UBR1: variants seen among roughly 807,000 people sequenced by gnomAD.
UBR1 encodes E3 ubiquitin-protein ligase UBR1.
UBR1 carries 102 observed loss-of-function variants against 242.1 expected under a neutral mutation model. The ratio of observed to expected loss-of-function variants is 0.42; its 90% CI spans 0.36 to 0.50. The LOEUF (loss-of-function observed/expected upper bound fraction) is 0.50, where lower values mean the gene tolerates loss of function less well. Among genes scored for constraint, UBR1 ranks in the 20% least tolerant of loss-of-function variants. The pLI, the probability that UBR1 is intolerant of heterozygous loss-of-function variation, is 0.01. For synonymous variants in UBR1, 675 were observed against 684.8 expected (o/e 0.99, Z 0.22); for missense variants, 1,772 against 2,101.8 (o/e 0.84, Z 3.07).
intron 3 of UBR1, among the ~76,000 whole-genome samples, chr15:43,075,679 G>C (rs1241761611): frequency 6.6e-6 from 1 of 151,012 alleles, no homozygotes; most frequent in South Asian, 2.1e-4. Context: ...GCAATGGCGT[G>C]ATCTTGGCTC....
intron 4 of UBR1, among the ~76,000 whole-genome samples, chr15:43,072,675 CT>C (rs1300576198): frequency 6.6e-6 from 1 of 152,178 alleles, no homozygotes; most frequent in African/African-American, 2.4e-5. Flanking sequence ...CATAGATGTC[CT>C]TTATCAGGTT....
chr15:43,060,021 T>A, intron 7 of UBR1, 31 bp downstream of exon 7: 1 of 1,610,640 alleles, frequency 6.2e-7, no homozygotes, highest in Non-Finnish European at 8.5e-7. Flanking sequence ...CATCTTTAAC[T>A]TCTCTTTTTC....
chr15:43,041,351 C>A (rs1012203081), intron 15 of UBR1, among the ~76,000 whole-genome samples: 14 of 152,064 alleles, frequency 9.2e-5, no homozygotes, highest in Non-Finnish European at 2.1e-4. Context: ...GGACAAAAAA[C>A]CAAACACTGC....
chr15:43,029,945 T>G lies in UBR1; in HGVS notation c.2378A>C (p.Asn793Thr), dbSNP rs1259541929. ...AGATAAAACCAAAATCAGACTTACA[T>G]TCTCAGGTAAATTTTTGGCAATGGC... ...HSAIAKNLPE[N>T]ENNETGLENV... is the part of the protein sequence containing the mutation. Residue 793 changes from asparagine to threonine, a missense_variant and splice_region_variant, in exon 21 of 47, where the codon AAT becomes ACT. Asn to Thr is a moderately conservative substitution (Grantham distance 65, BLOSUM62 0). Transcript: ENST00000290650. The G allele has an allele frequency of 6.2e-7, 1 of 1,614,060 alleles. No homozygotes were observed. Among genetic ancestry groups the G allele is most frequent in the African/African-American group, 1.3e-5 (1 of 75,050 alleles).
chr15:43,003,686 T>C, intron 31 of UBR1, 151 bp downstream of exon 31: 1 of 789,516 alleles, frequency 1.3e-6, no homozygotes, highest in Non-Finnish European at 2.1e-6. Flanking sequence ...ATAATAATAA[T>C]TCATGCAAAC....
chr15:43,007,338 A>G, intron 29 of UBR1, 54 bp from the exon 30 acceptor site: 3 of 1,542,808 alleles, frequency 1.9e-6, no homozygotes, highest in Non-Finnish European at 2.7e-6. Context: ...ACTTGTCTTC[A>G]TATTTTGGTA....
chr15:43,078,699 G>C (rs940089123), intron 3 of UBR1, among the ~76,000 whole-genome samples: 96 of 152,250 alleles, frequency 6.3e-4, no homozygotes, highest in African/African-American at 2.2e-3. Context: ...CAGGCACAGT[G>C]GCTCATGCCT....
chr15:43,094,279 A>C (rs1224480613), intron 1 of UBR1, among the ~76,000 whole-genome samples: 1 of 152,050 alleles, frequency 6.6e-6, no homozygotes, highest in Admixed American at 6.6e-5. Context: ...AAAATACAAA[A>C]AAATTAGCTG....
chr15:42,989,269 T>C (rs2032520419), intron 34 of UBR1, among the ~76,000 whole-genome samples: 1 of 152,160 alleles, frequency 6.6e-6, no homozygotes, highest in African/African-American at 2.4e-5. Context: ...AGGTTCTAAT[T>C]AAAAACCAGA....
At chr15:43,056,608 GAGAATAACAAAC>G (rs1191991381) in intron 10 of UBR1, among the ~76,000 whole-genome samples, 166 bp from the exon 11 acceptor site, 1 of 152,030 alleles carries the variant, frequency 6.6e-6, no homozygotes, top group Non-Finnish European at 1.5e-5. Context: ...ATCTTAGAAG[GAGAATAACAAAC>G]AACAAATCAA....
intron 35 of UBR1, among the ~76,000 whole-genome samples, chr15:42,986,774 C>T (rs1313845184): frequency 6.6e-6 from 1 of 152,230 alleles, no homozygotes; most frequent in East Asian, 1.9e-4. Context: ...CCCACCCCCA[C>T]AGCTCCCTCC....
intron 28 of UBR1, 69 bp downstream of exon 28, chr15:43,017,026 C>G (rs1349847094): frequency 7.8e-7 from 1 of 1,280,978 alleles, no homozygotes; most frequent in East Asian, 2.3e-5. Flanking sequence ...CAGTAGCTCC[C>G]TTATACCAGT....
chr15:43,054,017 CAA>C (rs2033587035), intron 12 of UBR1, among the ~76,000 whole-genome samples: 1 of 152,038 alleles, frequency 6.6e-6, no homozygotes, highest in African/African-American at 2.4e-5. Context: ...GTGGAACCCA[CAA>C]ATACGGAGGA....
chr15:43,011,008 CTATG>C (rs1567124615), intron 29 of UBR1, among the ~76,000 whole-genome samples: 1 of 151,098 alleles, frequency 6.6e-6, no homozygotes, highest in Non-Finnish European at 1.5e-5. Flanking sequence ...GTGTGTAACA[CTATG>C]TAATTAAAAT....
chr15:43,017,548 G>A (rs1395962809), intron 27 of UBR1, among the ~76,000 whole-genome samples: 1 of 152,098 alleles, frequency 6.6e-6, no homozygotes, highest in African/African-American at 2.4e-5. Flanking sequence ...GGAGGCGGAG[G>A]CGGGTAATCT....
chr15:42,960,512 A>G, intron 43 of UBR1, 133 bp downstream of exon 43: 1 of 905,162 alleles, frequency 1.1e-6, no homozygotes, highest in Non-Finnish European at 1.8e-6. Flanking sequence ...TCTGGCAAAG[A>G]CCTAACAGAA....
intron 17 of UBR1, 90 bp downstream of exon 17, chr15:43,037,682 TA>T: frequency 1.8e-6 from 2 of 1,103,228 alleles, no homozygotes; most frequent in South Asian, 1.3e-5. Flanking sequence ...ATACACTCAG[TA>T]AAATCTAGGA....
chr15:42,964,072 A>C, intron 41 of UBR1, 29 bp from the exon 42 acceptor site: 1 of 1,455,860 alleles, frequency 6.9e-7, no homozygotes, highest in Non-Finnish European at 9.6e-7. Context: ...ACATTTAATA[A>C]GCACATTATT....
intron 46 of UBR1, 72 bp downstream of exon 46, chr15:42,950,190 G>C (rs2031808629): frequency 7.6e-7 from 1 of 1,307,222 alleles, no homozygotes; most frequent in African/African-American, 1.5e-5. Flanking sequence ...ACAATAATGT[G>C]ACTGAAATAG....
Sources: allele counts gnomAD v4.1 joint callset (sites outside exome capture counted in the v4.1 genomes callset), GRCh38; gene constraint gnomAD v4.1.1; transcripts MANE v1.5; gene names NCBI Gene and HGNC (gene_info 2026-07-23, HGNC 2026-07-21).